The following SMG6 variants were observed in gnomAD, a reference collection of about 807,000 sequenced individuals.
The protein encoded by SMG6 is SMG6 nonsense mediated mRNA decay factor.
Under a neutral mutation model 142.2 loss-of-function variants are expected in SMG6, and 66 were observed. That is an observed-to-expected ratio of 0.46 (90% CI 0.38 to 0.57). The LOEUF is 0.57. Among genes scored for constraint, SMG6 ranks in the 20% least tolerant of loss-of-function variants. SMG6 has a pLI of 0.00. For missense variants in SMG6, 1,793 were observed against 1,832.0 expected, an observed-to-expected ratio of 0.98 and a Z score of 0.39; for synonymous variants, 779 against 702.4, an observed-to-expected ratio of 1.11 and a Z score of -1.72.
rs35172468 is a variant in SMG6, at chr17:2,300,062, C to A, written c.691G>T (p.Asp231Tyr). The change falls in exon 2 of 19, where the codon GAC becomes TAC. Residue 231 changes from aspartate (D) to tyrosine (Y), a missense_variant. Around this residue, in one of 3 missense-constraint regions of SMG6, gnomAD observed 1,597 missense variants for 1,584.6 expected, o/e 1.01. Coordinates refer to ENST00000263073, the MANE Select transcript of SMG6 (RefSeq NM_017575.5). ...GKGEGVRETH[D>Y]DPARGRPGSA... Reference sequence around the variant, plus strand: ...CCCGGCCTCCCGCGGGCTGGGTCGTCGTGGGTTTCCCTCACCCCCTCCCCT... The same window carrying A: ...CCCGGCCTCCCGCGGGCTGGGTCGTAGTGGGTTTCCCTCACCCCCTCCCCT... The A allele has an allele frequency of 1.7e-5, 27 of 1,614,174 alleles. No individual in the cohort carries two copies. Among genetic ancestry groups the A allele is most frequent in the Non-Finnish European group, 2.1e-5 (25 of 1,180,014 alleles).
chr17:2,115,796 T>A (rs1310080664), intron 13 of SMG6, among the ~76,000 whole-genome samples: 6 of 152,160 alleles, frequency 3.9e-5, no homozygotes, highest in Non-Finnish European at 5.9e-5. Flanking sequence ...TGATCATAGT[T>A]TACTGTAGCC....
rs1225435589 is a variant in SMG6, at chr17:2,172,646, C to T, written c.3357+12G>A. On this transcript the variant is annotated intron_variant, in intron 13 of 18. Transcript: ENST00000263073. ...GGGGCGAATGGGGAGGGATGTTTGG[C>T]CTGGGGCTGACCTTATCCGAGGTTT... The T allele has an allele frequency of 1.2e-6, 2 of 1,612,548 alleles. No individual in the cohort carries two copies. The highest frequency in any genetic ancestry group is 1.7e-6 in the Non-Finnish European group (2 of 1,179,956).
intron 13 of SMG6, among the ~76,000 whole-genome samples, chr17:2,092,901 A>T (rs1434481282): frequency 6.6e-6 from 1 of 152,240 alleles, no homozygotes; most frequent in Non-Finnish European, 1.5e-5. Flanking sequence ...TGTGAGGTTT[A>T]AAAGATAATA....
At chr17:2,281,143 ATTC>A (rs1485231355) in intron 8 of SMG6, among the ~76,000 whole-genome samples, 1 of 152,120 alleles carries the variant, frequency 6.6e-6, no homozygotes, top group African/African-American at 2.4e-5. Flanking sequence ...TCTTGGGCTC[ATTC>A]TTGACTTTTT....
chr17:2,181,418 C>T (rs11871926), intron 12 of SMG6, among the ~76,000 whole-genome samples: 6,427 of 152,238 alleles, frequency 0.042, 211 homozygotes, highest in Non-Finnish European at 0.066. Context: ...TGCTTAAACT[C>T]GCATTCCAGA....
At chr17:2,098,820 G>A (rs535975006) in intron 13 of SMG6, among the ~76,000 whole-genome samples, 2 of 150,562 alleles carry the variant, frequency 1.3e-5, no homozygotes, top group African/African-American at 4.8e-5. Context: ...TAATAGAGAC[G>A]GAGCTTCCCC....
intron 13 of SMG6, among the ~76,000 whole-genome samples, chr17:2,151,474 A>T (rs2070823267): frequency 6.6e-6 from 1 of 152,204 alleles, no homozygotes; most frequent in African/African-American, 2.4e-5. Context: ...CATTGCTCCA[A>T]CTGGGATCAG....
At chr17:2,106,009 A>C (rs2069146047) in intron 13 of SMG6, among the ~76,000 whole-genome samples, 1 of 152,224 alleles carries the variant, frequency 6.6e-6, no homozygotes, top group African/African-American at 2.4e-5. Context: ...AAATCTGTCA[A>C]TCCAAGTAAC....
At chr17:2,208,030 G>A (rs924969024) in intron 10 of SMG6, among the ~76,000 whole-genome samples, 9 of 152,120 alleles carry the variant, frequency 5.9e-5, no homozygotes, top group South Asian at 2.1e-4. Flanking sequence ...TTGGGAGGTC[G>A]AGGTGGGAGG....
chr17:2,215,653 T>C (rs1269340175), intron 10 of SMG6: 1 of 152,120 alleles, frequency 6.6e-6, no homozygotes, highest in African/African-American at 2.4e-5. Context: ...AACTCCACAG[T>C]ACTTGTGTGT....
intron 15 of SMG6, chr17:2,072,118 C>G (rs556120197): frequency 2.0e-5 from 3 of 152,306 alleles, no homozygotes; most frequent in South Asian, 2.1e-4. Context: ...CTGCAGAGTT[C>G]AGAGGCCGGT....
intron 13 of SMG6, among the ~76,000 whole-genome samples, chr17:2,091,640 C>A (rs867495595): frequency 6.6e-6 from 1 of 151,584 alleles, no homozygotes; most frequent in African/African-American, 2.4e-5. Flanking sequence ...CTATGTAAAG[C>A]GTTAAGTACA....
chr17:2,223,113 G>A (rs1358881561), intron 10 of SMG6, among the ~76,000 whole-genome samples: 6 of 152,338 alleles, frequency 3.9e-5, no homozygotes, highest in Non-Finnish European at 8.8e-5. Context: ...AAGAGATGCA[G>A]AAAGCTGACA....
At chr17:2,136,442 A>C (rs571624981) in intron 13 of SMG6, among the ~76,000 whole-genome samples, 2 of 152,322 alleles carry the variant, frequency 1.3e-5, no homozygotes, top group South Asian at 4.1e-4. Context: ...CTTCATTTCT[A>C]TCTCATCTAT....
chr17:2,265,600 C>T (rs1443762678), intron 8 of SMG6, among the ~76,000 whole-genome samples: 2 of 152,088 alleles, frequency 1.3e-5, no homozygotes, highest in African/African-American at 4.8e-5. Flanking sequence ...ACTGCATTCA[C>T]CTCTCCCAGC....
intron 13 of SMG6, among the ~76,000 whole-genome samples, chr17:2,155,255 T>A (rs918126907): frequency 6.6e-6 from 1 of 152,060 alleles, no homozygotes; most frequent in African/African-American, 2.4e-5. Flanking sequence ...AGAGACAGGG[T>A]TTCACCATGT....
chr17:2,119,438 C>T (rs1597415825), intron 13 of SMG6, among the ~76,000 whole-genome samples: 1 of 152,288 alleles, frequency 6.6e-6, no homozygotes, highest in Admixed American at 6.5e-5. Flanking sequence ...AAGTGATCCG[C>T]CTGCCTCAGC....
intron 10 of SMG6, among the ~76,000 whole-genome samples, chr17:2,222,617 C>G (rs1446587576): frequency 7.7e-6 from 1 of 130,244 alleles, no homozygotes; most frequent in Admixed American, 9.3e-5. Flanking sequence ...GTGGCTTTTA[C>G]ACTGAGTGAA....
intron 10 of SMG6, among the ~76,000 whole-genome samples, chr17:2,198,974 A>G (rs9913522): frequency 0.36 from 51,446 of 141,086 alleles, 10,025 homozygotes; most frequent in Middle Eastern, 0.43. Flanking sequence ...AAAAAAAAAA[A>G]GAAAAGTTCA....
Sources: gnomAD v4.1 joint callset for allele counts (sites outside exome capture counted in the v4.1 genomes callset) on GRCh38, gnomAD v4.1.1 for gene constraint, gnomAD v4.1.1 regional missense constraint, MANE v1.5 for transcripts, NCBI Gene and HGNC (gene_info 2026-07-23, HGNC 2026-07-21) for gene names.